SMARCB1: variants seen among roughly 807,000 people sequenced by gnomAD.
SMARCB1 encodes SWI/SNF related BAF chromatin remodeling complex subunit B1.
A neutral mutation model predicts 49.0 loss-of-function variants in SMARCB1; 5 were observed. The ratio of observed to expected loss-of-function variants is 0.10; its 90% CI spans 0.05 to 0.21. The LOEUF (loss-of-function observed/expected upper bound fraction) is 0.21, where lower values mean the gene tolerates loss of function less well. Ranked by LOEUF, SMARCB1 falls within the 10% of genes least tolerant of loss-of-function variation. The pLI is 1.00. For missense variants in SMARCB1, 226 were observed against 509.2 expected, an observed-to-expected ratio of 0.44 and a Z score of 5.35; for synonymous variants, 201 against 200.1, an observed-to-expected ratio of 1.00 and a Z score of -0.04.
Position 23,835,213 on chromosome 22 carries a change from C to G in SMARCB1, c.*1033C>G, listed in dbSNP as rs1251695300. 1.6e-6 allele frequency: 2 copies of G among 1,251,826 alleles called. No homozygotes were observed. The highest frequency in any genetic ancestry group is 4.0e-5 in the Admixed American group (1 of 25,036). 77.5% of individuals were successfully genotyped at this position (1,251,826 alleles called of 1,614,324 possible). The stretch of plus-strand genomic sequence containing the variant: ...GCCCTGCCTCCAAGGAGTTCATGTC[C>G]CCTCTGTTCTCATCTGTAATAGGGA... On this transcript the variant is annotated 3_prime_UTR_variant, in exon 9 of 9. Coordinates refer to ENST00000644036, the MANE Select transcript of SMARCB1 (RefSeq NM_003073.5).
At chr22:23,809,000 T>C (rs2145993409) in intron 5 of SMARCB1, among the ~76,000 whole-genome samples, 1 of 150,778 alleles carries the variant, frequency 6.6e-6, no homozygotes, top group Admixed American at 6.6e-5. Context: ...GCTCGGCCAA[T>C]TTTTTGTATT....
At chr22:23,831,404 G>A (rs544204716) in intron 7 of SMARCB1, among the ~76,000 whole-genome samples, 1 of 152,304 alleles carries the variant, frequency 6.6e-6, no homozygotes, top group Non-Finnish European at 1.5e-5. Context: ...TGGACACTTT[G>A]GGTGGTAGGA....
At chr22:23,830,359 A>G (rs1343321495) in intron 7 of SMARCB1, among the ~76,000 whole-genome samples, 1 of 152,048 alleles carries the variant, frequency 6.6e-6, no homozygotes, top group Non-Finnish European at 1.5e-5. Context: ...GTGTGAAGTA[A>G]TTGTGGTTTT....
chr22:23,823,773 C>G (rs2030232267), intron 6 of SMARCB1: 1 of 152,262 alleles, frequency 6.6e-6, no homozygotes, highest in Admixed American at 6.5e-5. Context: ...GAACAGAAGG[C>G]TCAACCACAG....
At position 23,834,640 on chromosome 22, in the gene SMARCB1, T is replaced by C; in HGVS notation, c.*460T>C. 1 of 861,432 alleles carries C rather than the reference T, an allele frequency of 1.2e-6. No homozygotes were observed. The allele number at this position is 861,432 out of a possible 1,614,324, so 53.4% of individuals were successfully genotyped here. A position where few individuals can be genotyped will look rare whatever the true frequency, so the allele number is the denominator to read the frequency against. On this transcript the variant is annotated 3_prime_UTR_variant, in exon 9 of 9. Transcript: ENST00000644036. ...TTGGCACACAGGCCTCACCCTCCTCTGCCTCAGATTCCCAAGTGGGCAGGT... is the reference window on the plus strand; with the variant it reads ...TTGGCACACAGGCCTCACCCTCCTCCGCCTCAGATTCCCAAGTGGGCAGGT...
intron 5 of SMARCB1, among the ~76,000 whole-genome samples, chr22:23,806,946 C>T (rs1264107407): frequency 7.1e-6 from 1 of 140,534 alleles, no homozygotes; most frequent in East Asian, 2.1e-4. Context: ...AAAAAGGAAT[C>T]AGGATTTTTC....
chr22:23,802,047 AG>A (rs1929186637), intron 4 of SMARCB1: 1 of 155,360 alleles, frequency 6.4e-6, no homozygotes, highest in Non-Finnish European at 1.4e-5. Context: ...TGCCTCAGAC[AG>A]CCCCCCACTG....
rs200906093 is a variant in SMARCB1, at chr22:23,798,028, TAGACCTGGAAATG to T, written c.363-2912_363-2900del. ...TGCATTGTCCACTTGAGTTGATAGC[TAGACCTGGAAATG>T]AGAACTTGCTACTGAGATAGGGCAG... On this transcript the variant is annotated intron_variant, in intron 3 of 8. Transcript: ENST00000644036. Among the ~76,000 whole-genome samples the T allele has an allele frequency of 5.0e-3, 755 of 152,260 alleles. 17 individuals carry two copies. In the South Asian group the frequency reaches 0.085, roughly 17 times the overall value.
intron 5 of SMARCB1, among the ~76,000 whole-genome samples, chr22:23,811,443 T>TTTTCAAGTG (rs1929865204): frequency 6.6e-6 from 1 of 152,242 alleles, no homozygotes; most frequent in Non-Finnish European, 1.5e-5. Context: ...ATGCACATTC[T>TTTTCAAGTG]TTTCAAGTGC....
At chr22:23,798,866 G>C (rs550707453) in intron 3 of SMARCB1, among the ~76,000 whole-genome samples, 3 of 152,086 alleles carry the variant, frequency 2.0e-5, no homozygotes, top group South Asian at 2.1e-4. Flanking sequence ...CTGGCTAACA[G>C]GGTGAAACCC....
Position 23,833,653 on chromosome 22 carries a change from G to C in SMARCB1, c.1068G>C (p.Leu356=), listed in dbSNP as rs2146042449. The C allele has an allele frequency of 6.2e-7, 1 of 1,614,218 alleles. No individual in the cohort carries two copies. Among genetic ancestry groups the C allele is most frequent in the Non-Finnish European group, 8.5e-7 (1 of 1,180,046 alleles). ...AGTGGTGCCCACTGCTGGAGACTCT[G>C]ACAGACGCTGAGATGGAGAAGAAGA... ...ADQWCPLLET[L]TDAEMEKKIR... The change falls in exon 8 of 9, where the codon CTG becomes CTC. Residue 356 remains leucine, a synonymous_variant. Coordinates refer to ENST00000644036, the MANE Select transcript of SMARCB1 (RefSeq NM_003073.5).
chr22:23,826,072 T>G (rs2030364377), intron 7 of SMARCB1: 1 of 152,694 alleles, frequency 6.5e-6, no homozygotes, highest in South Asian at 2.1e-4. Context: ...GGGATGGGGA[T>G]GGACCCGGGA....
Position 23,787,362 on chromosome 22 carries a change from GGCGGGCGCGC to G in SMARCB1, c.93+104_93+113del, listed in dbSNP as rs1928065626. 9.2e-6 allele frequency: 5 copies of G among 543,306 alleles called. 1 individual carries two copies. The South Asian group carries it at 1.0e-4, about 11-fold the overall frequency. 33.7% of individuals were successfully genotyped at this position (543,306 alleles called of 1,614,324 possible). On this transcript the variant is annotated intron_variant, in intron 1 of 8. Transcript: ENST00000644036. The stretch of plus-strand genomic sequence containing the variant: ...GCGCGCGTCTCCATTCATCGGGGCG[GGCGGGCGCGC>G]GCGCGCGCGCTCGGGGCTGTGGGGC...
intron 3 of SMARCB1, among the ~76,000 whole-genome samples, chr22:23,798,853 A>G (rs1178025231): frequency 6.6e-6 from 1 of 152,102 alleles, no homozygotes; most frequent in Non-Finnish European, 1.5e-5. Flanking sequence ...GATCGAGACC[A>G]TCCTGGCTAA....
intron 5 of SMARCB1, among the ~76,000 whole-genome samples, chr22:23,813,239 C>T (rs1929987125): frequency 6.6e-6 from 1 of 152,200 alleles, no homozygotes; most frequent in South Asian, 2.1e-4. Context: ...AATATGTCTG[C>T]TGTCACTATT....
chr22:23,793,053 G>T (rs1928499790), intron 2 of SMARCB1: 1 of 217,108 alleles, frequency 4.6e-6, no homozygotes, highest in Non-Finnish European at 9.4e-6. Flanking sequence ...ATTCGTGTTT[G>T]GTGTGAAGCA....
intron 5 of SMARCB1, among the ~76,000 whole-genome samples, chr22:23,804,949 T>C (rs1290679329): frequency 6.6e-6 from 1 of 152,092 alleles, no homozygotes; most frequent in Non-Finnish European, 1.5e-5. Context: ...GCAGATAACG[T>C]AGTTGCAGCA....
intron 5 of SMARCB1, among the ~76,000 whole-genome samples, chr22:23,807,689 C>T (rs1929579892): frequency 6.6e-6 from 1 of 151,586 alleles, no homozygotes; most frequent in Admixed American, 6.6e-5. Context: ...CATAATTAAA[C>T]TTCTGGAAAC....
chr22:23,797,562 G>A (rs1049173777), intron 3 of SMARCB1, among the ~76,000 whole-genome samples: 8 of 142,400 alleles, frequency 5.6e-5, no homozygotes, highest in African/African-American at 5.2e-5. Context: ...CGCCCACCTC[G>A]GCCTCCCAAA....
Sources: gnomAD v4.1 joint callset for allele counts (sites outside exome capture counted in the v4.1 genomes callset) on GRCh38, gnomAD v4.1.1 for gene constraint, MANE v1.5 for transcripts, NCBI Gene and HGNC (gene_info 2026-07-23, HGNC 2026-07-21) for gene names.